KANSL1: variants seen among roughly 807,000 people sequenced by gnomAD.
KANSL1 encodes the protein MLL1/MLL complex subunit KANSL1.
In KANSL1, 22 loss-of-function variants were observed where a neutral mutation model predicts 103.6. That is an observed-to-expected ratio of 0.21 (90% CI 0.15 to 0.30). The LOEUF is 0.30. KANSL1 is among the 10% of genes least tolerant of loss of function. The probability of loss-of-function intolerance (pLI) is 1.00; values close to 1 mark genes in which losing one functional copy is unlikely to be tolerated. For synonymous variants in KANSL1, 600 were observed against 527.6 expected, an observed-to-expected ratio of 1.14 and a Z score of -1.88; for missense variants, 1,337 against 1,399.8, an observed-to-expected ratio of 0.96 and a Z score of 0.72.
intron 1 of KANSL1, among the ~76,000 whole-genome samples, chr17:46,200,516 G>C (rs1403727073): frequency 6.6e-6 from 1 of 152,196 alleles, no homozygotes; most frequent in Admixed American, 6.5e-5. Flanking sequence ...GCCAAGGTGG[G>C]CAGATCACGA....
At chr17:46,125,168 G>C (rs2043496116) in intron 2 of KANSL1, among the ~76,000 whole-genome samples, 2 of 151,518 alleles carry the variant, frequency 1.3e-5, no homozygotes, top group Admixed American at 1.3e-4. Flanking sequence ...CCACTACCCT[G>C]GCTAGTCAGC....
chr17:46,195,618 A>G (rs1001499857), upstream of KANSL1, among the ~76,000 whole-genome samples: 25 of 152,338 alleles, frequency 1.6e-4, no homozygotes, highest in African/African-American at 4.8e-4. Flanking sequence ...GCTAGAGTGC[A>G]GTGGTGCAAT....
At chr17:46,142,402 T>C (rs945150183) in intron 2 of KANSL1, among the ~76,000 whole-genome samples, 1 of 151,628 alleles carries the variant, frequency 6.6e-6, no homozygotes, top group African/African-American at 2.4e-5. Flanking sequence ...ACTGCTTGAG[T>C]CCAGGAGTTT....
intron 2 of KANSL1, among the ~76,000 whole-genome samples, chr17:46,140,476 G>A (rs1436781833): frequency 2.0e-5 from 3 of 151,824 alleles, no homozygotes; most frequent in Non-Finnish European, 4.4e-5. Context: ...AATTCTTCAT[G>A]AACTTGGGTT....
At chr17:46,212,166 T>A (rs2148027529) in intron 1 of KANSL1, among the ~76,000 whole-genome samples, 1 of 152,312 alleles carries the variant, frequency 6.6e-6, no homozygotes, top group East Asian at 1.9e-4. Flanking sequence ...GCTCCTTATA[T>A]AGCTCTGCAC....
chr17:46,128,142 C>T (rs997253098), intron 2 of KANSL1, among the ~76,000 whole-genome samples: 2 of 152,122 alleles, frequency 1.3e-5, no homozygotes, highest in African/African-American at 4.8e-5. Flanking sequence ...ACATGTCCCA[C>T]AAAAGATTCT....
chr17:46,210,743 A>G (rs1166670879), intron 1 of KANSL1, among the ~76,000 whole-genome samples: 1 of 147,528 alleles, frequency 6.8e-6, no homozygotes, highest in Admixed American at 6.9e-5. Flanking sequence ...CACGAGTTGG[A>G]AAAATAAGGG....
Position 46,094,990 on chromosome 17 carries a change from G to C in KANSL1, c.1290-289C>G, listed in dbSNP as rs184774414. 1.2e-3 allele frequency among the ~76,000 whole-genome samples: 188 copies of C among 152,224 alleles called. 2 individuals are homozygous for C. Among genetic ancestry groups the C allele is most frequent in the Non-Finnish European group, 3.8e-4 (26 of 68,020 alleles). On this transcript the variant is annotated intron_variant, in intron 2 of 14. Transcript: ENST00000432791. ...ATTTCTCTGGGACAATAAAATTATT[G>C]TCCATGCCAAAATAAAACATACATT...
chr17:46,096,642 G>A (rs2042098520), intron 2 of KANSL1, among the ~76,000 whole-genome samples: 1 of 145,898 alleles, frequency 6.9e-6, no homozygotes, highest in East Asian at 2.1e-4. Context: ...TTTTTGAGAC[G>A]GAGTCTTGCT....
At chr17:46,060,515 C>G (rs1405880306) in intron 6 of KANSL1, among the ~76,000 whole-genome samples, 1 of 152,160 alleles carries the variant, frequency 6.6e-6, no homozygotes, top group Non-Finnish European at 1.5e-5. Flanking sequence ...TCTGAGTATT[C>G]TTTTAGTAGC....
chr17:46,096,046 C>T (rs181300189), intron 2 of KANSL1, among the ~76,000 whole-genome samples: 2 of 151,532 alleles, frequency 1.3e-5, no homozygotes, highest in Admixed American at 6.6e-5. Flanking sequence ...TTGCTGGTAA[C>T]AGTTAAAATT....
At chr17:46,205,526 T>C (rs2668657) in intron 1 of KANSL1, among the ~76,000 whole-genome samples, 21,924 of 151,306 alleles carry the variant, frequency 0.14, 2,147 homozygotes, top group Non-Finnish European at 0.22. Flanking sequence ...TACTAAAATA[T>C]AAAAATTAGT....
At position 46,031,892 on chromosome 17, in the gene KANSL1, C is replaced by T. The variant is rs2077018977; in HGVS notation, c.3090+155G>A. ...ATTGATCATTTAGCAGTGATCAATA[C>T]AGTTCCACTGAACGTTGAGGAGATC... On this transcript the variant is annotated intron_variant, in intron 14 of 14. Transcript: ENST00000432791. The T allele has an allele frequency of 4.3e-6, 5 of 1,154,368 alleles. No homozygotes were observed. In the South Asian group the frequency reaches 5.9e-5, roughly 14 times the overall value. The allele number at this position is 1,154,368 out of a possible 1,614,324, so 71.5% of individuals were successfully genotyped here. A position where few individuals can be genotyped will look rare whatever the true frequency, so the allele number is the denominator to read the frequency against.
chr17:46,136,393 A>C (rs2044145112), intron 2 of KANSL1, among the ~76,000 whole-genome samples: 1 of 152,362 alleles, frequency 6.6e-6, no homozygotes, highest in Admixed American at 6.5e-5. Flanking sequence ...ACATACCCAT[A>C]ATCATCCTTC....
In KANSL1 at chr17:46,201,084, G is replaced by C. The variant is rs534584005; in HGVS notation, c.-90+22587C>G. On this transcript the variant is annotated intron_variant, in intron 1 of 14. Transcript: ENST00000572904. ...GTACCACCATGCCCGGCTAATCTTT[G>C]TATTTTTAGTAGAGACGGAGTTTCG... Among the ~76,000 whole-genome samples the C allele has an allele frequency of 2.9e-4, 44 of 152,210 alleles. 2 individuals are homozygous for C. Among genetic ancestry groups the C allele is most frequent in the Middle Eastern group, 3.4e-3 (1 of 294 alleles).
intron 1 of KANSL1, among the ~76,000 whole-genome samples, chr17:46,211,496 T>A (rs372105764): frequency 6.6e-6 from 1 of 152,262 alleles, no homozygotes; most frequent in African/African-American, 2.4e-5. Flanking sequence ...CTGTGGGCCA[T>A]GGGTCGGACA....
intron 2 of KANSL1, among the ~76,000 whole-genome samples, chr17:46,149,026 G>A (rs1348628287): frequency 3.4e-5 from 5 of 145,604 alleles, no homozygotes; most frequent in African/African-American, 7.8e-5. Flanking sequence ...TTTTTGAGAC[G>A]GAGTCTCGCT....
At chr17:46,086,195 T>C (rs1319851261) in intron 3 of KANSL1, among the ~76,000 whole-genome samples, 1 of 152,220 alleles carries the variant, frequency 6.6e-6, no homozygotes, top group Non-Finnish European at 1.5e-5. Context: ...AGTCAGTATT[T>C]TCCAAAGGGA....
chr17:46,203,144 A>C (rs566935062), intron 1 of KANSL1, among the ~76,000 whole-genome samples: 1 of 152,324 alleles, frequency 6.6e-6, no homozygotes, highest in African/African-American at 2.4e-5. Flanking sequence ...AAGCAGGAGA[A>C]TTGCTTGAAC....
Sources: allele counts gnomAD v4.1 joint callset (sites outside exome capture counted in the v4.1 genomes callset), GRCh38; gene constraint gnomAD v4.1.1; transcripts MANE v1.5; gene names NCBI Gene and HGNC (gene_info 2026-07-23, HGNC 2026-07-21).